GLB1: variants seen among roughly 807,000 people sequenced by gnomAD.
GLB1 encodes the protein beta-galactosidase.
Under a neutral mutation model 74.0 loss-of-function variants are expected in GLB1, and 56 were observed. The ratio of observed to expected loss-of-function variants is 0.76; its 90% CI spans 0.61 to 0.94. The LOEUF is 0.94. GLB1 is among the 40% of genes least tolerant of loss of function. The probability of loss-of-function intolerance (pLI) is 0.00; values close to 1 mark genes in which losing one functional copy is unlikely to be tolerated. For synonymous variants in GLB1, 323 were observed against 323.6 expected (o/e 1.00, Z 0.02); for missense variants, 787 against 845.5 (o/e 0.93, Z 0.86).
At chr3:32,967,527 T>C in the GLB1 span, among the ~76,000 whole-genome samples, 1 of 152,158 alleles carries the variant, frequency 6.6e-6, no homozygotes, top group Non-Finnish European at 1.5e-5. Context: ...GTGAATTATA[T>C]ATCTCCCTCT....
chr3:33,029,854 C>T (rs1697931037), intron 10 of GLB1, among the ~76,000 whole-genome samples: 1 of 151,156 alleles, frequency 6.6e-6, no homozygotes, highest in Admixed American at 6.6e-5. Context: ...AGGTACTATG[C>T]TTATTACCTG....
chr3:32,993,535 T>TG (rs1348595321), downstream of GLB1, among the ~76,000 whole-genome samples: 2 of 134,162 alleles, frequency 1.5e-5, no homozygotes, highest in Non-Finnish European at 3.2e-5. Context: ...TTTTTTTTTT[T>TG]TTTTTTTTTT....
In GLB1 at chr3:33,046,150, C is replaced by G. The variant is rs749980306; in HGVS notation, c.1038G>C (p.Lys346Asn). Residue 346 changes from lysine (K) to asparagine (N), a missense_variant, in exon 10 of 16, where the codon AAG becomes AAC. By Grantham distance (94) the Lys-to-Asn change is moderately conservative. Transcript: ENST00000307363. ...GGATGATGTTTCGCAGAGCAAAATA[C>G]TTCTCAGTGAGGTCCCCAGCCTCAC... ...PLSEAGDLTEKYFALRNIIQK... is the reference protein window; with the variant it reads ...PLSEAGDLTENYFALRNIIQK... 6.8e-6 allele frequency: 11 copies of G among 1,613,708 alleles called. No homozygotes were observed. Among genetic ancestry groups the G allele is most frequent in the Middle Eastern group, 1.7e-4 (1 of 5,788 alleles).
At chr3:33,012,450 T>C (rs1697067646) in intron 15 of GLB1, among the ~76,000 whole-genome samples, 1 of 152,158 alleles carries the variant, frequency 6.6e-6, no homozygotes, top group African/African-American at 2.4e-5. Context: ...GAGAGCTCCT[T>C]TGCCCCTTCA....
chr3:33,086,410 G>GA (rs944207107), intron 1 of GLB1, among the ~76,000 whole-genome samples: 3 of 151,630 alleles, frequency 2.0e-5, no homozygotes, highest in African/African-American at 7.3e-5. Flanking sequence ...GTAAATGCAG[G>GA]AAAAAAAGGG....
chr3:33,059,007 C>A (rs1467858051), intron 5 of GLB1, among the ~76,000 whole-genome samples: 1 of 152,180 alleles, frequency 6.6e-6, no homozygotes, highest in Non-Finnish European at 1.5e-5. Flanking sequence ...GGTTGTCATA[C>A]CTCGGCAGAC....
the GLB1 span, among the ~76,000 whole-genome samples, chr3:32,976,751 CA>C: frequency 6.6e-6 from 1 of 152,090 alleles, no homozygotes; most frequent in Non-Finnish European, 1.5e-5. Context: ...TGTGTCATTT[CA>C]GGAATATAGA....
intron 2 of GLB1, among the ~76,000 whole-genome samples, chr3:33,071,319 TC>T (rs1699879015): frequency 6.6e-6 from 1 of 152,230 alleles, no homozygotes; most frequent in Non-Finnish European, 1.5e-5. Flanking sequence ...GTATCTATCT[TC>T]GGAATCTGCC....
chr3:33,005,056 T>C (rs760392047), intron 15 of GLB1, among the ~76,000 whole-genome samples: 3 of 152,120 alleles, frequency 2.0e-5, no homozygotes, highest in Non-Finnish European at 4.4e-5. Flanking sequence ...AGGAGAAGTT[T>C]GGGCACGCAA....
chr3:33,085,630 T>C (rs1700479444), intron 1 of GLB1, among the ~76,000 whole-genome samples: 1 of 151,814 alleles, frequency 6.6e-6, no homozygotes, highest in Non-Finnish European at 1.5e-5. Flanking sequence ...TAACCAAAGC[T>C]GCTTCTTCAA....
At chr3:32,987,107 T>C in the GLB1 span, among the ~76,000 whole-genome samples, 1 of 152,134 alleles carries the variant, frequency 6.6e-6, no homozygotes, top group East Asian at 1.9e-4. Context: ...AATTCCCTAC[T>C]ACCTCCCCAC....
intron 5 of GLB1, among the ~76,000 whole-genome samples, chr3:33,060,251 C>T (rs1242248099): frequency 6.6e-6 from 1 of 152,224 alleles, no homozygotes; most frequent in Non-Finnish European, 1.5e-5. Flanking sequence ...GTAAAACAGA[C>T]TGTAGCACGC....
intron 4 of GLB1, among the ~76,000 whole-genome samples, chr3:33,065,864 G>A (rs765787396): frequency 6.6e-6 from 1 of 151,934 alleles, no homozygotes; most frequent in Non-Finnish European, 1.5e-5. Flanking sequence ...CTACTTGGGA[G>A]GCTGAGGCAG....
the GLB1 span, among the ~76,000 whole-genome samples, chr3:32,980,894 C>T: frequency 1.3e-5 from 2 of 151,924 alleles, no homozygotes; most frequent in Non-Finnish European, 2.9e-5. Context: ...AGTTCGAGAC[C>T]AGCCTGGGCA....
intron 1 of GLB1, among the ~76,000 whole-genome samples, chr3:33,079,681 G>A (rs1336832769): frequency 6.6e-6 from 1 of 152,220 alleles, no homozygotes; most frequent in Non-Finnish European, 1.5e-5. Context: ...ATGTTACGCA[G>A]CTCTGGAGAG....
chr3:33,024,316 CT>C lies in GLB1; in HGVS notation c.1077del (p.Val360TyrfsTer23), dbSNP rs727503952. ...GATGGAGGGATAGGACCTTCTGGTA[CT>C]TTTTCAAACTATAAACCAGAGTAGA... ...ALRNIIQKFE[K>X]VPEGPIPPST... is the part of the protein sequence containing the mutation. On this transcript the variant is annotated frameshift_variant, in exon 11 of 16. Coordinates refer to ENST00000307363, the MANE Select transcript of GLB1 (RefSeq NM_000404.4). LOFTEE classifies it high-confidence loss of function. 14 of 1,585,320 alleles carry C rather than the reference CT, an allele frequency of 8.8e-6. No individual in the cohort carries two copies. In the South Asian group the frequency reaches 1.6e-4, roughly 18 times the overall value.
intron 10 of GLB1, among the ~76,000 whole-genome samples, chr3:33,041,212 T>C (rs142254255): frequency 1.3e-5 from 2 of 152,274 alleles, no homozygotes; most frequent in Non-Finnish European, 2.9e-5. Context: ...AGAGAAACTA[T>C]ACAGCGTCAA....
chr3:33,091,871 A>G, intron 1 of GLB1: 1 of 985,390 alleles, frequency 1.0e-6, no homozygotes, highest in Non-Finnish European at 1.2e-6. Context: ...GCTTATCTCC[A>G]TCTCAGGATC....
chr3:33,087,575 GCGCGCACACACACACA>G (rs1225455831), intron 1 of GLB1, among the ~76,000 whole-genome samples: 5 of 35,996 alleles, frequency 1.4e-4, no homozygotes, highest in Non-Finnish European at 2.1e-4. Flanking sequence ...GTCTCAGCAT[GCGCGCACACACACACA>G]CACACACACA....
Sources: allele counts gnomAD v4.1 joint callset (sites outside exome capture counted in the v4.1 genomes callset), GRCh38; gene constraint gnomAD v4.1.1; transcripts MANE v1.5; gene names NCBI Gene and HGNC (gene_info 2026-07-23, HGNC 2026-07-21).